Variants in SLC71A2 observed in about 807,000 individuals in gnomAD.
The protein encoded by SLC71A2 is solute carrier family 71 member 2, also known as hippocampus abundant transcript-like 1.
At chr9:94,456,161 T>G in the SLC71A2 span, 1 of 908,462 alleles carries the variant, frequency 1.1e-6, no homozygotes, top group Non-Finnish European at 1.7e-6. Context: ...CATTTGTACT[T>G]TTGCCACTGA....
At chr9:94,445,666 T>A in the SLC71A2 span, among the ~76,000 whole-genome samples, 2 of 152,122 alleles carry the variant, frequency 1.3e-5, no homozygotes, top group African/African-American at 4.8e-5. Context: ...CCTCTCCTTT[T>A]CCACCCCCTT....
chr9:94,447,596 A>G, the SLC71A2 span, among the ~76,000 whole-genome samples: 3 of 151,778 alleles, frequency 2.0e-5, no homozygotes, highest in Non-Finnish European at 2.9e-5. Flanking sequence ...CCATACATGC[A>G]TAGCCTCCTC....
the SLC71A2 span, among the ~76,000 whole-genome samples, chr9:94,442,711 G>A: frequency 1.3e-5 from 2 of 151,890 alleles, no homozygotes; most frequent in African/African-American, 4.8e-5. Flanking sequence ...TTAGCCGAGC[G>A]TGGTGGTGTG....
At chr9:94,434,923 A>G in the SLC71A2 span, among the ~76,000 whole-genome samples, 1 of 152,220 alleles carries the variant, frequency 6.6e-6, no homozygotes, top group Non-Finnish European at 1.5e-5. Flanking sequence ...TAACTATTAT[A>G]CATACTGTTT....
the SLC71A2 span, chr9:94,456,175 C>A: frequency 9.3e-7 from 1 of 1,069,734 alleles, no homozygotes; most frequent in Non-Finnish European, 1.4e-6. Flanking sequence ...CCACTGATTG[C>A]ATTCCGAATA....
chr9:94,435,650 CTT>C, the SLC71A2 span, among the ~76,000 whole-genome samples: 7 of 48,414 alleles, frequency 1.4e-4, no homozygotes, highest in Admixed American at 3.0e-4. Context: ...TTTCCTTCTT[CTT>C]TTTTTTTTTT....
At chr9:94,431,108 C>T in the SLC71A2 span, among the ~76,000 whole-genome samples, 4 of 152,076 alleles carry the variant, frequency 2.6e-5, no homozygotes, top group African/African-American at 9.7e-5. Context: ...ATCAGGAGAT[C>T]GAGACCATCC....
chr9:94,429,555 T>C, the SLC71A2 span, among the ~76,000 whole-genome samples: 1 of 151,968 alleles, frequency 6.6e-6, no homozygotes, highest in Non-Finnish European at 1.5e-5. Context: ...ATCAACAGAA[T>C]AAAGTGGGCA....
At chr9:94,408,396 A>T in the SLC71A2 span, among the ~76,000 whole-genome samples, 1 of 152,194 alleles carries the variant, frequency 6.6e-6, no homozygotes, top group Non-Finnish European at 1.5e-5. Context: ...TCCTTGGATA[A>T]GGGGGCAACT....
the SLC71A2 span, among the ~76,000 whole-genome samples, chr9:94,446,094 G>T: frequency 6.6e-6 from 1 of 152,160 alleles, no homozygotes; most frequent in Admixed American, 6.5e-5. Flanking sequence ...GGCAATCGTG[G>T]GGATTACTGT....
the SLC71A2 span, among the ~76,000 whole-genome samples, chr9:94,380,006 G>T: frequency 6.6e-6 from 1 of 152,290 alleles, no homozygotes; most frequent in Non-Finnish European, 1.5e-5. Flanking sequence ...GGTGGCTTAC[G>T]CCTATAATCC....
chr9:94,391,847 C>G, the SLC71A2 span, among the ~76,000 whole-genome samples: 229 of 152,172 alleles, frequency 1.5e-3, 11 homozygotes, highest in East Asian at 0.041. Flanking sequence ...CCACTGCACT[C>G]CAGCCTGGGC....
At chr9:94,431,182 G>C in the SLC71A2 span, among the ~76,000 whole-genome samples, 1 of 151,976 alleles carries the variant, frequency 6.6e-6, no homozygotes, top group Non-Finnish European at 1.5e-5. Flanking sequence ...TCGTGGTGGC[G>C]GGCCCCTGTA....
chr9:94,413,615 A>G, the SLC71A2 span, among the ~76,000 whole-genome samples: 11 of 140,094 alleles, frequency 7.9e-5, no homozygotes, highest in Admixed American at 8.7e-4. Flanking sequence ...AGCTGAGATC[A>G]CGCCACTGCA....
chr9:94,451,324 C>T, the SLC71A2 span: 2 of 455,972 alleles, frequency 4.4e-6, no homozygotes, highest in Non-Finnish European at 7.7e-6. Flanking sequence ...TATATAGGTT[C>T]AGCTTTCAGC....
chr9:94,397,697 A>G, the SLC71A2 span, among the ~76,000 whole-genome samples: 2 of 152,178 alleles, frequency 1.3e-5, no homozygotes, highest in Non-Finnish European at 2.9e-5. Context: ...TGTCCTGGAC[A>G]GTGTTGAGGA....
chr9:94,449,755 C>T, the SLC71A2 span, among the ~76,000 whole-genome samples: 2 of 152,202 alleles, frequency 1.3e-5, no homozygotes, highest in African/African-American at 4.8e-5. Context: ...AAACACACTT[C>T]TAACACAGAA....
At chr9:94,402,916 C>G in the SLC71A2 span, among the ~76,000 whole-genome samples, 3 of 152,062 alleles carry the variant, frequency 2.0e-5, no homozygotes, top group Non-Finnish European at 4.4e-5. Context: ...TTTAAAGTTT[C>G]AGTTCAATAG....
At chr9:94,456,394 A>G in the SLC71A2 span, 1 of 1,371,724 alleles carries the variant, frequency 7.3e-7, no homozygotes, top group Non-Finnish European at 1.0e-6. Context: ...TCCCTGCTAG[A>G]AGCAGGAGCA....
Sources: allele counts gnomAD v4.1 joint callset (sites outside exome capture counted in the v4.1 genomes callset), GRCh38; gene constraint gnomAD v4.1.1; transcripts MANE v1.5; gene names NCBI Gene and HGNC (gene_info 2026-07-23, HGNC 2026-07-21).